Variants in SGCZ observed in about 807,000 individuals in gnomAD.
The protein encoded by SGCZ is sarcoglycan zeta.
SGCZ carries 40 observed loss-of-function variants against 41.3 expected under a neutral mutation model. The ratio of observed to expected loss-of-function variants is 0.97; its 90% CI spans 0.75 to 1.26. The LOEUF is 1.26. Among genes scored for constraint, SGCZ ranks in the 50% most tolerant of loss-of-function variants. The pLI is 0.00. For synonymous variants in SGCZ, 206 were observed against 137.5 expected (o/e 1.50, Z -3.49); for missense variants, 552 against 369.8 (o/e 1.49, Z -4.04).
chr8:15,009,382 G>T (rs577926235), intron 1 of SGCZ, among the ~76,000 whole-genome samples: 57 of 27,338 alleles, frequency 2.1e-3, no homozygotes, highest in East Asian at 4.2e-3. Flanking sequence ...ATCATCTCCC[G>T]CCAGGCCCCA....
intron 1 of SGCZ, among the ~76,000 whole-genome samples, chr8:14,894,162 A>C (rs1267249697): frequency 1.3e-5 from 2 of 152,198 alleles, no homozygotes; most frequent in East Asian, 3.8e-4. Flanking sequence ...CACTAAATAC[A>C]GAAGATGTGC....
At chr8:14,328,282 G>A (rs1802194302) in intron 2 of SGCZ, among the ~76,000 whole-genome samples, 1 of 152,068 alleles carries the variant, frequency 6.6e-6, no homozygotes, top group African/African-American at 2.4e-5. Flanking sequence ...TGATTTTCCT[G>A]ATCCCTTCAT....
chr8:14,566,818 T>C (rs1290903450), intron 1 of SGCZ, among the ~76,000 whole-genome samples: 2 of 152,054 alleles, frequency 1.3e-5, no homozygotes, highest in Non-Finnish European at 2.9e-5. Flanking sequence ...CGGGGAGGTG[T>C]GGAGGGAGAG....
intron 2 of SGCZ, among the ~76,000 whole-genome samples, chr8:14,359,057 C>A (rs1427608423): frequency 6.6e-6 from 1 of 151,960 alleles, no homozygotes; most frequent in Non-Finnish European, 1.5e-5. Flanking sequence ...AAAAACAATT[C>A]TTTGTTATTT....
chr8:14,738,613 G>C (rs1342380379), intron 1 of SGCZ, among the ~76,000 whole-genome samples: 1 of 151,956 alleles, frequency 6.6e-6, no homozygotes, highest in Non-Finnish European at 1.5e-5. Flanking sequence ...ATCTCTTATG[G>C]TTAGCAGCAG....
At chr8:14,255,409 C>A (rs1206867922) in intron 3 of SGCZ, among the ~76,000 whole-genome samples, 1 of 152,108 alleles carries the variant, frequency 6.6e-6, no homozygotes, top group African/African-American at 2.4e-5. Context: ...GTAAGCCTAA[C>A]ACAATATACT....
At chr8:15,230,959 C>T (rs1056759355) in intron 1 of SGCZ, among the ~76,000 whole-genome samples, 99 of 152,206 alleles carry the variant, frequency 6.5e-4, no homozygotes, top group African/African-American at 2.2e-3. Context: ...TACTGGTAGA[C>T]GGCAGAGCCA....
At chr8:14,249,887 A>G (rs17293289) in intron 3 of SGCZ, among the ~76,000 whole-genome samples, 37,975 of 152,190 alleles carry the variant, frequency 0.25, 6,099 homozygotes, top group Non-Finnish European at 0.36. Context: ...CAATGTAAGT[A>G]TGTCTAGCTA....
intron 1 of SGCZ, among the ~76,000 whole-genome samples, chr8:14,884,289 T>G (rs1804704934): frequency 6.6e-6 from 1 of 152,192 alleles, no homozygotes; most frequent in Non-Finnish European, 1.5e-5. Flanking sequence ...GTGTTTTTGA[T>G]GCACCTTATT....
At chr8:14,972,857 C>G (rs1585425661) in intron 1 of SGCZ, among the ~76,000 whole-genome samples, 1 of 152,188 alleles carries the variant, frequency 6.6e-6, no homozygotes, top group African/African-American at 2.4e-5. Flanking sequence ...ACATTACTAA[C>G]ACTTTTCTTT....
intron 2 of SGCZ, among the ~76,000 whole-genome samples, chr8:14,446,585 T>A (rs547776641): frequency 6.6e-6 from 1 of 152,230 alleles, no homozygotes; most frequent in African/African-American, 2.4e-5. Context: ...CATTTTACTG[T>A]GCTACAAAAT....
intron 1 of SGCZ, among the ~76,000 whole-genome samples, chr8:14,893,999 A>C (rs974659991): frequency 6.6e-6 from 1 of 152,200 alleles, no homozygotes; most frequent in Non-Finnish European, 1.5e-5. Flanking sequence ...AGTGATATCT[A>C]TATCAAAATG....
rs968750378 is a variant in SGCZ, at chr8:14,087,897, C to A, written c.*2546G>T. On this transcript the variant is annotated 3_prime_UTR_variant, in exon 8 of 8. Coordinates refer to ENST00000382080, the MANE Select transcript of SGCZ (RefSeq NM_139167.4). The stretch of plus-strand genomic sequence containing the variant: ...ATTTGGTGTTGAATAGGAAAGCCAT[C>A]GCTATCACTATATTTTCTACTGTAC... 2.6e-5 allele frequency among the ~76,000 whole-genome samples: 4 copies of A among 151,506 alleles called. No individual in the cohort carries two copies. Among genetic ancestry groups the A allele is most frequent in the Non-Finnish European group, 4.4e-5 (3 of 67,730 alleles).
chr8:14,696,698 C>G (rs1808974431), intron 1 of SGCZ, among the ~76,000 whole-genome samples: 2 of 151,680 alleles, frequency 1.3e-5, no homozygotes. Flanking sequence ...TTTGAGTAGC[C>G]CCATTGTCTC....
chr8:14,317,119 A>C (rs1336741759), intron 3 of SGCZ, among the ~76,000 whole-genome samples: 1 of 152,068 alleles, frequency 6.6e-6, no homozygotes, highest in Non-Finnish European at 1.5e-5. Flanking sequence ...CTTGACAATA[A>C]TGCCTATCAC....
intron 1 of SGCZ, among the ~76,000 whole-genome samples, chr8:14,946,753 G>T (rs1800463447): frequency 6.8e-6 from 1 of 147,136 alleles, no homozygotes; most frequent in African/African-American, 2.5e-5. Flanking sequence ...TCAGCTCACT[G>T]CAACCTCCAC....
At chr8:14,492,859 G>A (rs768454070) in intron 2 of SGCZ, among the ~76,000 whole-genome samples, 11 of 152,144 alleles carry the variant, frequency 7.2e-5, no homozygotes, top group Non-Finnish European at 1.5e-4. Flanking sequence ...TGACATCTCA[G>A]TGTAATTCTT....
At position 14,594,377 on chromosome 8, in the gene SGCZ, A is replaced by C. The variant is rs369269378; in HGVS notation, c.40-39451T>G. 7.9e-5 allele frequency among the ~76,000 whole-genome samples: 12 copies of C among 152,130 alleles called. No individual in the cohort carries two copies. In the East Asian group the frequency reaches 1.5e-3, roughly 20 times the overall value. ...AACACTGATGTAGCATTAAAAAAAA[A>C]CATGAAAACTGGAAGATCTGGGTTC... On this transcript the variant is annotated intron_variant, in intron 1 of 7. Transcript: ENST00000382080.
At chr8:14,930,655 C>T (rs1254754207) in intron 1 of SGCZ, among the ~76,000 whole-genome samples, 13 of 151,960 alleles carry the variant, frequency 8.6e-5, no homozygotes, top group Admixed American at 7.2e-4. Context: ...ACTATGCAGC[C>T]ATAAAAAAGG....
Sources: allele counts gnomAD v4.1 joint callset (sites outside exome capture counted in the v4.1 genomes callset), GRCh38; gene constraint gnomAD v4.1.1; transcripts MANE v1.5; gene names NCBI Gene and HGNC (gene_info 2026-07-23, HGNC 2026-07-21).